Variants in SPIDR observed in about 807,000 individuals in gnomAD.
SPIDR encodes DNA repair-scaffolding protein.
Under a neutral mutation model 104.6 loss-of-function variants are expected in SPIDR, and 93 were observed. The observed-to-expected ratio is 0.89, with a 90% confidence interval of 0.75 to 1.06. The LOEUF (loss-of-function observed/expected upper bound fraction) is 1.06. SPIDR is among the 50% of genes least tolerant of loss of function. The pLI, the probability that SPIDR is intolerant of heterozygous loss-of-function variation, is 0.00. For synonymous variants in SPIDR, 431 were observed against 416.9 expected (o/e 1.03, Z -0.41); for missense variants, 1,154 against 1,111.2 (o/e 1.04, Z -0.55).
intron 8 of SPIDR, among the ~76,000 whole-genome samples, chr8:47,579,212 G>T (rs1034373838): frequency 1.3e-5 from 2 of 152,184 alleles, no homozygotes; most frequent in African/African-American, 4.8e-5. Context: ...GTGTACTGAT[G>T]CAGGTGTCCA....
chr8:47,701,400 C>T (rs2080162123), intron 12 of SPIDR, among the ~76,000 whole-genome samples: 1 of 152,112 alleles, frequency 6.6e-6, no homozygotes, highest in African/African-American at 2.4e-5. Flanking sequence ...CCATTGCACT[C>T]CAGCCAACGA....
At chr8:47,365,751 A>T (rs1443238303) in intron 5 of SPIDR, among the ~76,000 whole-genome samples, 1 of 152,188 alleles carries the variant, frequency 6.6e-6, no homozygotes, top group African/African-American at 2.4e-5. Flanking sequence ...TAATTCATTC[A>T]TGCAGAGGCA....
At chr8:47,638,345 T>A (rs2068291061) in intron 10 of SPIDR, among the ~76,000 whole-genome samples, 1 of 152,230 alleles carries the variant, frequency 6.6e-6, no homozygotes, top group Non-Finnish European at 1.5e-5. Context: ...AGGGTCTCAC[T>A]ATTGCCCAGG....
rs1330988324 is a variant in SPIDR, at chr8:47,658,635, A to AT, written c.1545-15165dup. Among the ~76,000 whole-genome samples the AT allele has an allele frequency of 2.0e-5, 3 of 151,542 alleles. No individual in the cohort carries two copies. The East Asian group carries it at 5.9e-4, about 30-fold the overall frequency. On this transcript the variant is annotated intron_variant, in intron 10 of 19. Coordinates refer to ENST00000297423, the MANE Select transcript of SPIDR (RefSeq NM_001080394.4). ...TCTACAATAAAGATGGTGTGTGAGT[A>AT]TGGAAAAGGCCTTTCTCGGCCAGAC...
chr8:47,626,110 C>G (rs1334385975), intron 10 of SPIDR, among the ~76,000 whole-genome samples: 12 of 152,194 alleles, frequency 7.9e-5, no homozygotes, highest in Non-Finnish European at 1.6e-4. Context: ...TGATCTTTGA[C>G]AAACCTGAGA....
chr8:47,539,426 G>C (rs2087654820), intron 8 of SPIDR, among the ~76,000 whole-genome samples: 1 of 152,108 alleles, frequency 6.6e-6, no homozygotes, highest in African/African-American at 2.4e-5. Flanking sequence ...CATCCTACCT[G>C]GGGCTCAAGG....
intron 3 of SPIDR, among the ~76,000 whole-genome samples, chr8:47,288,084 G>C (rs1313224385): frequency 1.3e-5 from 2 of 152,102 alleles, no homozygotes; most frequent in Non-Finnish European, 2.9e-5. Context: ...TCGTCCCTCT[G>C]TTCGGGGTCC....
intron 10 of SPIDR, among the ~76,000 whole-genome samples, chr8:47,620,482 G>T (rs1003603368): frequency 9.9e-5 from 15 of 152,068 alleles, no homozygotes; most frequent in Non-Finnish European, 1.8e-4. Context: ...TGGCCAGGCT[G>T]GTCTCGAACT....
Position 47,269,568 on chromosome 8 carries a change from T to TA in SPIDR, c.33+8594dup, listed in dbSNP as rs76483348. The stretch of plus-strand genomic sequence containing the variant: ...ACTACACCTGGCCAACCATGTCTCT[T>TA]AAAAAAAAAAAAAAAAAGAAAGAAA... On this transcript the variant is annotated intron_variant, in intron 1 of 19. Coordinates refer to ENST00000297423, the MANE Select transcript of SPIDR (RefSeq NM_001080394.4). Among the ~76,000 whole-genome samples the TA allele has an allele frequency of 9.3e-3, 1,231 of 132,026 alleles. 15 individuals are homozygous for TA. Among genetic ancestry groups the TA allele is most frequent in the African/African-American group, 0.025 (909 of 36,064 alleles). 86.6% of individuals were successfully genotyped at this position (132,026 alleles called of 152,430 possible). A position where few individuals can be genotyped will look rare whatever the true frequency, so the allele number is the denominator to read the frequency against.
At chr8:47,319,394 G>A (rs201006615) in intron 5 of SPIDR, among the ~76,000 whole-genome samples, 6 of 152,084 alleles carry the variant, frequency 3.9e-5, no homozygotes, top group Non-Finnish European at 5.9e-5. Flanking sequence ...AGAAGAGCTA[G>A]CTAGCCTAAA....
chr8:47,393,511 G>C (rs1318201372), intron 5 of SPIDR, among the ~76,000 whole-genome samples: 2 of 151,918 alleles, frequency 1.3e-5, no homozygotes, highest in African/African-American at 4.8e-5. Context: ...CAGAATCTTG[G>C]TCCTCCTCTT....
intron 10 of SPIDR, among the ~76,000 whole-genome samples, chr8:47,602,097 T>C (rs1358646065): frequency 6.6e-6 from 1 of 152,200 alleles, no homozygotes; most frequent in African/African-American, 2.4e-5. Context: ...TCTAAGGCAG[T>C]TTTTTATACA....
At chr8:47,666,626 G>C (rs545332063) in intron 10 of SPIDR, among the ~76,000 whole-genome samples, 2 of 152,236 alleles carry the variant, frequency 1.3e-5, no homozygotes, top group East Asian at 3.9e-4. Context: ...TAGCTCCTAA[G>C]GGCCTTTTGA....
At chr8:47,537,119 G>A (rs954107396) in intron 8 of SPIDR, among the ~76,000 whole-genome samples, 1 of 152,188 alleles carries the variant, frequency 6.6e-6, no homozygotes, top group Non-Finnish European at 1.5e-5. Flanking sequence ...TGATGGAAGT[G>A]CAAATTGGAA....
chr8:47,660,065 A>G (rs1393946176), intron 10 of SPIDR, among the ~76,000 whole-genome samples: 1 of 152,242 alleles, frequency 6.6e-6, no homozygotes, highest in East Asian at 1.9e-4. Context: ...AAGAAAGGGA[A>G]AACACGTAGC....
At chr8:47,497,349 TACTCTTC>T (rs1195658272) in intron 8 of SPIDR, among the ~76,000 whole-genome samples, 1 of 152,190 alleles carries the variant, frequency 6.6e-6, no homozygotes, top group Non-Finnish European at 1.5e-5. Context: ...CAAATATAAA[TACTCTTC>T]TAAGCACTGC....
At chr8:47,411,221 T>A (rs1185496424) in intron 7 of SPIDR, among the ~76,000 whole-genome samples, 1 of 152,230 alleles carries the variant, frequency 6.6e-6, no homozygotes, top group Non-Finnish European at 1.5e-5. Context: ...TCTAGATCCC[T>A]GAGGAATCGC....
At chr8:47,506,605 G>A (rs758620912) in intron 8 of SPIDR, among the ~76,000 whole-genome samples, 3 of 152,012 alleles carry the variant, frequency 2.0e-5, no homozygotes, top group Non-Finnish European at 4.4e-5. Flanking sequence ...TTGCCACACC[G>A]AGAGAGGAAG....
chr8:47,440,673 G>C, intron 8 of SPIDR, 131 bp downstream of exon 8: 4 of 887,552 alleles, frequency 4.5e-6, no homozygotes, highest in South Asian at 1.8e-5. Flanking sequence ...AGGATTGGAC[G>C]TGGGTTTTCT....
Sources: gnomAD v4.1 joint callset for allele counts (sites outside exome capture counted in the v4.1 genomes callset) on GRCh38, gnomAD v4.1.1 for gene constraint, MANE v1.5 for transcripts, NCBI Gene and HGNC (gene_info 2026-07-23, HGNC 2026-07-21) for gene names.